The following MAGT1 variants were observed in gnomAD, a reference collection of about 807,000 sequenced individuals.
MAGT1 encodes magnesium transporter 1.
In MAGT1, 4 loss-of-function variants were observed where a neutral mutation model predicts 28.4. The observed-to-expected ratio is 0.14, with a 90% confidence interval of 0.07 to 0.32. The LOEUF (loss-of-function observed/expected upper bound fraction) is 0.32. MAGT1 is among the 10% of genes least tolerant of loss of function. The pLI, the probability that MAGT1 is intolerant of heterozygous loss-of-function variation, is 1.00. For synonymous variants in MAGT1, 89 were observed against 89.7 expected (o/e 0.99, Z 0.04); for missense variants, 193 against 264.5 (o/e 0.73, Z 1.88).
At chrX:77,889,277 G>A (rs782196105) in intron 1 of MAGT1, among the ~76,000 whole-genome samples, 1 of 103,890 alleles carries the variant, frequency 9.6e-6, no homozygotes, top group Admixed American at 1.1e-4. Context: ...CACCACGCCT[G>A]GCCTCATTCT....
Position 77,827,046 on chromosome X carries a change from C to T in MAGT1, c.*2174G>A, listed in dbSNP as rs1237476944. On this transcript the variant is annotated 3_prime_UTR_variant, in exon 10 of 10. Coordinates refer to ENST00000618282, the MANE Select transcript of MAGT1 (RefSeq NM_001367916.1). ...TTATTAGAAGGTAAATGGCAGGTGG[C>T]AGTCATAGTATCTTTTTAATGTAAT... The T allele has an allele frequency of 8.9e-6, 1 of 112,239 alleles. No individual in the cohort carries two copies. Among genetic ancestry groups the T allele is most frequent in the East Asian group, 2.8e-4 (1 of 3,615 alleles). 9.2% of individuals were successfully genotyped at this position (112,239 alleles called of 1,213,427 possible). A position where few individuals can be genotyped will look rare whatever the true frequency, so the allele number is the denominator to read the frequency against.
At chrX:77,854,061 A>C (rs2076975382) in intron 6 of MAGT1, 97 bp from the exon 7 acceptor site, 1 of 638,595 alleles carries the variant, frequency 1.6e-6, no homozygotes, top group African/African-American at 2.2e-5. Context: ...GAAATTATTA[A>C]TTCACCTGAT....
chrX:77,858,895 C>T (rs1209412900), intron 3 of MAGT1, among the ~76,000 whole-genome samples: 1 of 110,862 alleles, frequency 9.0e-6, no homozygotes, highest in Non-Finnish European at 1.9e-5. Context: ...ACCACCTCTA[C>T]ATTTTTGAAA....
intron 1 of MAGT1, chrX:77,885,318 T>G (rs1239549439): frequency 9.4e-6 from 1 of 106,823 alleles, no homozygotes; most frequent in Non-Finnish European, 1.9e-5. Context: ...AGGTCAGGAG[T>G]TCAAGACCAG....
rs1337387381 is a variant in MAGT1 at position 77,868,063 on chromosome X, C to T, written c.390+2745G>A. On this transcript the variant is annotated intron_variant, in intron 3 of 9. Coordinates refer to ENST00000618282, the MANE Select transcript of MAGT1 (RefSeq NM_001367916.1). ...ACGTTGTACAAGAAGATGAAGATGA[C>T]AAAGAAGTGTCATTAATGATACAGA... 5 of 65,737 alleles carry T rather than the reference C, an allele frequency of 7.6e-5. 1 individual carries two copies. Among genetic ancestry groups the T allele is most frequent in the African/African-American group, 1.1e-4 (3 of 28,330 alleles). The allele number at this position is 65,737 out of a possible 1,213,427, so 5.4% of individuals were successfully genotyped here. A position where few individuals can be genotyped will look rare whatever the true frequency, so the allele number is the denominator to read the frequency against.
intron 8 of MAGT1, among the ~76,000 whole-genome samples, chrX:77,839,892 C>T (rs377033740): frequency 2.6e-4 from 29 of 110,525 alleles, no homozygotes; most frequent in Admixed American, 4.9e-4. Flanking sequence ...AGTGATCCAC[C>T]CGCCTCGGTC....
chrX:77,832,532 T>C (rs1340569054), intron 8 of MAGT1, among the ~76,000 whole-genome samples: 1 of 111,420 alleles, frequency 9.0e-6, no homozygotes, highest in East Asian at 2.8e-4. Context: ...TAGTGACTGA[T>C]AAGAAAATCA....
intron 3 of MAGT1, among the ~76,000 whole-genome samples, chrX:77,859,928 T>G (rs1354735185): frequency 9.0e-6 from 1 of 111,600 alleles, no homozygotes; most frequent in Non-Finnish European, 1.9e-5. Flanking sequence ...AAAATATACT[T>G]CTACTTAACA....
At chrX:77,859,168 A>G (rs2076988536) in intron 3 of MAGT1, among the ~76,000 whole-genome samples, 1 of 111,496 alleles carries the variant, frequency 9.0e-6, no homozygotes, top group African/African-American at 3.3e-5. Context: ...AGATTGTGCC[A>G]CTGTACTCCA....
chrX:77,876,160 A>ATT (rs1373548796), intron 1 of MAGT1, among the ~76,000 whole-genome samples: 2 of 32,178 alleles, frequency 6.2e-5, no homozygotes, highest in Admixed American at 5.3e-4. Context: ...ATATATATAT[A>ATT]TATATTTTTT....
At chrX:77,864,135 G>A (rs1346654591) in intron 3 of MAGT1, among the ~76,000 whole-genome samples, 3 of 110,757 alleles carry the variant, frequency 2.7e-5, no homozygotes, top group African/African-American at 9.8e-5. Flanking sequence ...TGTGAAATAA[G>A]CCAGGCACAG....
chrX:77,893,357 G>T (rs2077089404), intron 1 of MAGT1, among the ~76,000 whole-genome samples: 1 of 111,618 alleles, frequency 9.0e-6, no homozygotes, highest in Non-Finnish European at 1.9e-5. Context: ...TGCATGAAAA[G>T]GGTGAATGTA....
At chrX:77,876,166 T>A (rs6616733) in intron 1 of MAGT1, among the ~76,000 whole-genome samples, 121 of 11,332 alleles carry the variant, frequency 0.011, no homozygotes, top group East Asian at 0.013. Context: ...ATATATATAT[T>A]TTTTTTTTTT....
chrX:77,844,297 C>T (rs2076943930), intron 7 of MAGT1, among the ~76,000 whole-genome samples: 2 of 111,075 alleles, frequency 1.8e-5, no homozygotes, highest in African/African-American at 3.3e-5. Context: ...TGATGATATC[C>T]CCTTTATCAT....
intron 1 of MAGT1, among the ~76,000 whole-genome samples, chrX:77,892,322 C>T (rs2077085154): frequency 8.9e-6 from 1 of 111,960 alleles, no homozygotes; most frequent in African/African-American, 3.2e-5. Flanking sequence ...AACAGAACAC[C>T]CATATTTTGA....
At chrX:77,839,858 G>T (rs782443181) in intron 8 of MAGT1, among the ~76,000 whole-genome samples, 39 of 109,523 alleles carry the variant, frequency 3.6e-4, no homozygotes, top group African/African-American at 1.2e-3. Context: ...CATCAGGCTT[G>T]ATGGCCTCGA....
intron 1 of MAGT1, among the ~76,000 whole-genome samples, chrX:77,875,897 T>C (rs1034484494): frequency 9.1e-6 from 1 of 109,769 alleles, no homozygotes; most frequent in Non-Finnish European, 1.9e-5. Flanking sequence ...AGTGGCACAA[T>C]GAGGGCTCAC....
At chrX:77,894,631 C>T (rs1040450245) in intron 1 of MAGT1, among the ~76,000 whole-genome samples, 5 of 111,793 alleles carry the variant, frequency 4.5e-5, no homozygotes, top group African/African-American at 9.8e-5. Flanking sequence ...CGTTTGAAAA[C>T]GCATTGTTAA....
intron 1 of MAGT1, among the ~76,000 whole-genome samples, chrX:77,877,213 C>T (rs1297505549): frequency 1.0e-4 from 11 of 110,345 alleles, no homozygotes; most frequent in African/African-American, 3.6e-4. Context: ...AAAATTCAGC[C>T]GGATGTGGTG....
Sources: allele counts gnomAD v4.1 joint callset (sites outside exome capture counted in the v4.1 genomes callset), GRCh38; gene constraint gnomAD v4.1.1; transcripts MANE v1.5; gene names NCBI Gene and HGNC (gene_info 2026-07-23, HGNC 2026-07-21).